Variants in AGXT2 observed in about 807,000 individuals in gnomAD.
The protein encoded by AGXT2 is alanine--glyoxylate aminotransferase 2, also known as alanine--glyoxylate aminotransferase 2, mitochondrial.
Under a neutral mutation model 62.5 loss-of-function variants are expected in AGXT2, and 61 were observed. That is an observed-to-expected ratio of 0.98 (90% CI 0.79 to 1.21). The LOEUF (loss-of-function observed/expected upper bound fraction) is 1.21. Ranked by LOEUF, AGXT2 falls within the 50% of genes most tolerant of loss-of-function variation. The pLI is 0.00. For missense variants in AGXT2, 666 were observed against 641.5 expected (o/e 1.04, Z -0.41); for synonymous variants, 243 against 218.7 (o/e 1.11, Z -0.98).
At position 35,026,390 on chromosome 5, in the gene AGXT2, T is replaced by A. The variant is rs1252617883; in HGVS notation, c.870+20A>T. 1.9e-6 allele frequency: 3 copies of A among 1,594,280 alleles called. No homozygotes were observed. The highest frequency in any genetic ancestry group is 2.6e-6 in the Non-Finnish European group (3 of 1,162,036). ...AATTGAAGATTCAGCTCCATTAATG[T>A]CTAAGGTTCATATACCCACTTGAAT... On this transcript the variant is annotated intron_variant, in intron 8 of 13. Transcript: ENST00000231420.
intron 9 of AGXT2, among the ~76,000 whole-genome samples, chr5:35,022,654 C>T (rs1299944217): frequency 6.7e-6 from 1 of 149,386 alleles, no homozygotes; most frequent in Non-Finnish European, 1.5e-5. Flanking sequence ...AGCGCACCAG[C>T]ATGGCACATG....
chr5:35,015,588 G>C (rs1045236304), intron 9 of AGXT2, among the ~76,000 whole-genome samples: 3 of 152,028 alleles, frequency 2.0e-5, no homozygotes, highest in Admixed American at 6.6e-5. Flanking sequence ...GGTGGCTCAT[G>C]CCTGTAATCT....
intron 12 of AGXT2, among the ~76,000 whole-genome samples, chr5:35,004,370 C>G (rs2112169117): frequency 6.6e-6 from 1 of 152,246 alleles, no homozygotes. Flanking sequence ...TCCTAATTTC[C>G]CTGCTTGTAG....
chr5:35,010,156 A>G lies in AGXT2; in HGVS notation c.1189-7T>C. The G allele has an allele frequency of 6.2e-7, 1 of 1,614,168 alleles. No individual in the cohort carries two copies. Among genetic ancestry groups the G allele is most frequent in the South Asian group, 1.1e-5 (1 of 91,082 alleles). ...GATTTTCTTCTTTAATCACCTGTTA[A>G]GAGAAAGCCCCAAATGATCTTACAT... On this transcript the variant is annotated splice_polypyrimidine_tract_variant and splice_region_variant and intron_variant, in intron 11 of 13. Coordinates refer to ENST00000231420, the MANE Select transcript of AGXT2 (RefSeq NM_031900.4).
intron 13 of AGXT2, among the ~76,000 whole-genome samples, chr5:35,001,392 C>T (rs1400540950): frequency 1.3e-5 from 2 of 152,194 alleles, no homozygotes. Context: ...CAAACAGCCT[C>T]CTTGGCTCCC....
intron 8 of AGXT2, 152 bp downstream of exon 8, chr5:35,026,258 G>A (rs1767342678): frequency 1.4e-6 from 1 of 713,476 alleles, no homozygotes; most frequent in East Asian, 2.7e-5. Flanking sequence ...TTGAAAGTCA[G>A]CGTCTTCTTT....
At position 35,039,587 on chromosome 5, in the gene AGXT2, C is replaced by A; in HGVS notation, c.178-79G>T. On this transcript the variant is annotated intron_variant, in intron 2 of 13. Transcript: ENST00000231420. Reference sequence around the variant, plus strand: ...CAATCTATGAGTAACAGAGCCCAGGCTCTCTAGTGGACAGAGAAGAGGGCT... The same window carrying A: ...CAATCTATGAGTAACAGAGCCCAGGATCTCTAGTGGACAGAGAAGAGGGCT... 3 of 1,481,912 alleles carry A rather than the reference C, an allele frequency of 2.0e-6. No homozygotes were observed. The South Asian group carries it at 3.5e-5, about 17-fold the overall frequency. The allele number at this position is 1,481,912 out of a possible 1,614,324, so 91.8% of individuals were successfully genotyped here. A position where few individuals can be genotyped will look rare whatever the true frequency, so the allele number is the denominator to read the frequency against.
Position 35,037,084 on chromosome 5 carries a change from A to C in AGXT2, c.363-19T>G. On this transcript the variant is annotated intron_variant, in intron 3 of 13. Transcript: ENST00000231420. Reference sequence around the variant, plus strand: ...CACCTTTCTGGATAAGCAGTACAGCAGAGTTACCTGCACTGCGTGCCACGT... The same window carrying C: ...CACCTTTCTGGATAAGCAGTACAGCCGAGTTACCTGCACTGCGTGCCACGT... 1 of 1,612,664 alleles carries C rather than the reference A, an allele frequency of 6.2e-7. No individual in the cohort carries two copies.
intron 7 of AGXT2, among the ~76,000 whole-genome samples, chr5:35,031,300 T>C (rs1767551126): frequency 6.6e-6 from 1 of 152,168 alleles, no homozygotes; most frequent in Non-Finnish European, 1.5e-5. Context: ...TTCCTTCTGG[T>C]TTTAAATTCC....
At chr5:35,027,696 T>C (rs1477257379) in intron 7 of AGXT2, among the ~76,000 whole-genome samples, 1 of 151,718 alleles carries the variant, frequency 6.6e-6, no homozygotes, top group African/African-American at 2.4e-5. Context: ...ATTTCATTTG[T>C]GAGAATTCTT....
intron 3 of AGXT2, among the ~76,000 whole-genome samples, chr5:35,037,624 T>C (rs566681751): frequency 1.3e-5 from 2 of 152,018 alleles, no homozygotes; most frequent in East Asian, 3.9e-4. Flanking sequence ...ACAATCATAG[T>C]GCACTGCAGC....
chr5:35,011,911 T>C (rs1766655246), intron 11 of AGXT2, among the ~76,000 whole-genome samples: 1 of 125,540 alleles, frequency 8.0e-6, no homozygotes, highest in African/African-American at 3.4e-5. Context: ...GAAAATGTGG[T>C]GTATACACAC....
chr5:35,041,356 T>C, intron 1 of AGXT2, among the ~76,000 whole-genome samples: 1 of 151,432 alleles, frequency 6.6e-6, no homozygotes, highest in East Asian at 1.9e-4. Flanking sequence ...AAATGCATAC[T>C]TTATAGATAA....
At chr5:35,015,534 G>A (rs751305735) in intron 9 of AGXT2, among the ~76,000 whole-genome samples, 10 of 152,064 alleles carry the variant, frequency 6.6e-5, no homozygotes, top group African/African-American at 1.2e-4. Flanking sequence ...ACTAGAAGCC[G>A]ATTCTGAAAT....
intron 1 of AGXT2, among the ~76,000 whole-genome samples, chr5:35,042,944 C>T (rs1370526710): frequency 6.6e-6 from 1 of 152,136 alleles, no homozygotes; most frequent in Non-Finnish European, 1.5e-5. Context: ...TCCAATTCAC[C>T]AGTTTTCACT....
chr5:35,041,224 A>G (rs111978325), intron 1 of AGXT2, among the ~76,000 whole-genome samples: 53 of 7,634 alleles, frequency 6.9e-3, no homozygotes, highest in Middle Eastern at 0.042. Context: ...TCCCCCCGCC[A>G]AAAAAAAAAA....
intron 8 of AGXT2, 185 bp from the exon 9 acceptor site, chr5:35,026,040 G>GA: frequency 3.2e-6 from 2 of 631,168 alleles, no homozygotes; most frequent in Admixed American, 2.7e-5. Flanking sequence ...ATGACTTCTG[G>GA]AAAAAAGATG....
At chr5:35,003,733 G>A in intron 13 of AGXT2, 30 bp downstream of exon 13, 2 of 1,579,032 alleles carry the variant, frequency 1.3e-6, no homozygotes, top group South Asian at 2.2e-5. Flanking sequence ...CCTACCTAGA[G>A]CGATAGGTAA....
At chr5:35,047,313 T>C (rs1459680658) in intron 1 of AGXT2, among the ~76,000 whole-genome samples, 1 of 152,144 alleles carries the variant, frequency 6.6e-6, no homozygotes, top group Non-Finnish European at 1.5e-5. Context: ...CATGGTGGCA[T>C]GTGCCTATAG....
Sources: allele counts gnomAD v4.1 joint callset (sites outside exome capture counted in the v4.1 genomes callset), GRCh38; gene constraint gnomAD v4.1.1; transcripts MANE v1.5; gene names NCBI Gene and HGNC (gene_info 2026-07-23, HGNC 2026-07-21).